The following NFYC variants were observed in gnomAD, a reference collection of about 807,000 sequenced individuals.
The protein encoded by NFYC is CAAT box DNA-binding protein subunit C.
NFYC carries 25 observed loss-of-function variants against 53.1 expected under a neutral mutation model. The ratio of observed to expected loss-of-function variants is 0.47; its 90% CI spans 0.34 to 0.66. The LOEUF (loss-of-function observed/expected upper bound fraction) is 0.66. Among genes scored for constraint, NFYC ranks in the 30% least tolerant of loss-of-function variants. The pLI is 0.01. For missense variants in NFYC, 260 were observed against 422.7 expected (o/e 0.62, Z 3.38); for synonymous variants, 145 against 152.6 (o/e 0.95, Z 0.37).
chr1:40,753,060 A>T, intron 4 of NFYC, 91 bp from the exon 5 acceptor site: 1 of 874,844 alleles, frequency 1.1e-6, no homozygotes, highest in Non-Finnish European at 1.8e-6. Context: ...AGTTTGGCTT[A>T]AAAGTCGTCT....
chr1:40,755,614 T>C (rs1442964290), intron 5 of NFYC, among the ~76,000 whole-genome samples: 3 of 152,218 alleles, frequency 2.0e-5, no homozygotes. Flanking sequence ...AGCATAATCA[T>C]TTCCTTGCTG....
At chr1:40,717,750 A>G (rs1570403813) in intron 1 of NFYC, among the ~76,000 whole-genome samples, 1 of 152,216 alleles carries the variant, frequency 6.6e-6, no homozygotes, top group African/African-American at 2.4e-5. Flanking sequence ...TGCTTTGGGC[A>G]TAATCTTACT....
chr1:40,721,250 A>G (rs1037064776), intron 1 of NFYC, among the ~76,000 whole-genome samples: 32 of 152,232 alleles, frequency 2.1e-4, no homozygotes, highest in African/African-American at 6.5e-4. Context: ...TATCAATGCT[A>G]TTGCAGAAGA....
intron 7 of NFYC, among the ~76,000 whole-genome samples, chr1:40,764,712 A>T (rs1646729994): frequency 6.6e-6 from 1 of 152,192 alleles, no homozygotes; most frequent in South Asian, 2.1e-4. Context: ...AATAGTGATG[A>T]GCTTCAGGAA....
At chr1:40,761,907 C>T (rs1453486358) in intron 6 of NFYC, among the ~76,000 whole-genome samples, 1 of 152,090 alleles carries the variant, frequency 6.6e-6, no homozygotes, top group Non-Finnish European at 1.5e-5. Flanking sequence ...TTAAAAGGCT[C>T]CACCCACGCC....
chr1:40,766,539 C>A, intron 7 of NFYC, 57 bp from the exon 8 acceptor site: 1 of 1,316,282 alleles, frequency 7.6e-7, no homozygotes, highest in Non-Finnish European at 1.1e-6. Context: ...GGAAAGTTTG[C>A]CTGTTTGAGA....
intron 4 of NFYC, among the ~76,000 whole-genome samples, chr1:40,752,539 C>T (rs536553870): frequency 6.6e-6 from 1 of 152,090 alleles, no homozygotes; most frequent in Admixed American, 6.5e-5. Context: ...TCTCTTGCTG[C>T]TGTTCATAGC....
intron 1 of NFYC, among the ~76,000 whole-genome samples, chr1:40,730,052 G>A (rs1488949162): frequency 2.0e-5 from 3 of 152,050 alleles, no homozygotes; most frequent in Non-Finnish European, 4.4e-5. Context: ...TAGAGACAGA[G>A]TTTTGTTCTG....
At chr1:40,704,083 T>G (rs1350378560) in intron 1 of NFYC, among the ~76,000 whole-genome samples, 3 of 8,286 alleles carry the variant, frequency 3.6e-4, no homozygotes, top group African/African-American at 3.6e-3. Flanking sequence ...ATTTAAGTGT[T>G]TTTTTTTTTT....
At position 40,698,647 on chromosome 1, in the gene NFYC, C is replaced by G. The variant is rs567469406; in HGVS notation, c.-9+6780C>G. Among the ~76,000 whole-genome samples, 14 of 151,990 alleles carry G rather than the reference C, an allele frequency of 9.2e-5. No homozygotes were observed. The South Asian group carries it at 2.9e-3, about 32-fold the overall frequency. On this transcript the variant is annotated intron_variant, in intron 1 of 9. Transcript: ENST00000447388. ...CTCATCTTGTTGGCCAGGCTGGTCA[C>G]GAACTGCTGACCTCAGGTGATCTGC...
At chr1:40,716,402 G>A (rs967497566) in intron 1 of NFYC, among the ~76,000 whole-genome samples, 3 of 152,292 alleles carry the variant, frequency 2.0e-5, no homozygotes, top group East Asian at 3.9e-4. Flanking sequence ...GTTAAGGAGA[G>A]CAGTAAATGG....
intron 1 of NFYC, among the ~76,000 whole-genome samples, chr1:40,731,056 C>T (rs1470441706): frequency 6.6e-6 from 1 of 152,126 alleles, no homozygotes. Context: ...ATTGTCTCAG[C>T]CTGAGTGAGA....
At position 40,706,318 on chromosome 1, in the gene NFYC, A is replaced by T. The variant is rs560313455; in HGVS notation, c.-9+14451A>T. Among the ~76,000 whole-genome samples, 5 of 152,270 alleles carry T rather than the reference A, an allele frequency of 3.3e-5. No homozygotes were observed. The South Asian group carries it at 1.0e-3, about 32-fold the overall frequency. On this transcript the variant is annotated intron_variant, in intron 1 of 9. Coordinates refer to ENST00000447388, the MANE Select transcript of NFYC (RefSeq NM_014223.5). ...GAGAATTAGAGGGGTAAAGTCTGTA[A>T]TATACCTAGCACAGAACCTGGCACT...
intron 1 of NFYC, chr1:40,735,181 C>A (rs1644962896): frequency 7.2e-6 from 1 of 138,188 alleles, no homozygotes. Context: ...CTCCTTATGT[C>A]TTTTTTTTTT....
intron 5 of NFYC, among the ~76,000 whole-genome samples, chr1:40,756,514 A>G (rs982350392): frequency 9.2e-5 from 14 of 152,184 alleles, no homozygotes; most frequent in Non-Finnish European, 1.6e-4. Context: ...GCAGAGACCC[A>G]TGTTTCTCAG....
intron 3 of NFYC, among the ~76,000 whole-genome samples, chr1:40,748,858 A>G (rs1645761385): frequency 1.3e-5 from 2 of 152,246 alleles, no homozygotes; most frequent in Admixed American, 1.3e-4. Flanking sequence ...GACAATGGAA[A>G]TAGACACAAA....
At chr1:40,756,305 A>C (rs1285987319) in intron 5 of NFYC, among the ~76,000 whole-genome samples, 1 of 152,182 alleles carries the variant, frequency 6.6e-6, no homozygotes, top group East Asian at 1.9e-4. Context: ...TTGTTGTGGA[A>C]ATTGAGACCT....
chr1:40,721,195 A>AC, intron 1 of NFYC, among the ~76,000 whole-genome samples: 1 of 152,358 alleles, frequency 6.6e-6, no homozygotes, highest in Middle Eastern at 3.4e-3. Flanking sequence ...GAATGTGTAG[A>AC]CAGTGTTTAA....
intron 4 of NFYC, among the ~76,000 whole-genome samples, 154 bp downstream of exon 4, chr1:40,749,840 T>G (rs547109718): frequency 6.6e-6 from 1 of 152,336 alleles, no homozygotes; most frequent in East Asian, 1.9e-4. Flanking sequence ...TCTATCAAGC[T>G]GACGTGTCAT....
Sources: allele counts gnomAD v4.1 joint callset (sites outside exome capture counted in the v4.1 genomes callset), GRCh38; gene constraint gnomAD v4.1.1; transcripts MANE v1.5; gene names NCBI Gene and HGNC (gene_info 2026-07-23, HGNC 2026-07-21).